ACOXL: variants seen among roughly 807,000 people sequenced by gnomAD.
The protein encoded by ACOXL is acyl-coenzyme A oxidase-like protein.
In ACOXL, 70 loss-of-function variants were observed where a neutral mutation model predicts 71.9. The observed-to-expected ratio is 0.97, with a 90% CI of 0.80 to 1.19. ACOXL has a LOEUF of 1.19. Among genes scored for constraint, ACOXL ranks in the 50% most tolerant of loss-of-function variants. The pLI is 0.00. For missense variants in ACOXL, 703 were observed against 736.3 expected, an observed-to-expected ratio of 0.95 and a Z score of 0.52; for synonymous variants, 253 against 281.6, an observed-to-expected ratio of 0.90 and a Z score of 1.02.
chr2:110,810,421 C>T (rs1687171294), intron 9 of ACOXL, among the ~76,000 whole-genome samples: 1 of 152,062 alleles, frequency 6.6e-6, no homozygotes. Context: ...CTCTTCTAAC[C>T]TTCCTTCCAT....
At chr2:111,007,003 G>A (rs141103546) in intron 14 of ACOXL, among the ~76,000 whole-genome samples, 69 of 152,190 alleles carry the variant, frequency 4.5e-4, no homozygotes, top group African/African-American at 1.4e-3. Context: ...TCCTGTTATG[G>A]AAGAGAATGG....
chr2:110,968,071 G>T, intron 12 of ACOXL: 1 of 1,193,224 alleles, frequency 8.4e-7, no homozygotes, highest in Admixed American at 1.7e-5. Flanking sequence ...CGCAGCATAC[G>T]CACACGAACT....
rs78934152 is a variant in ACOXL, at chr2:110,817,018, G to C, written c.753+11623G>C. On this transcript the variant is annotated intron_variant, in intron 9 of 17. Coordinates refer to ENST00000439055, the MANE Select transcript of ACOXL (RefSeq NM_001142807.4). ...CTTATTCCAGCCCCAGGTGTTAACAGTCTGCCTACTTCTCCCTTAGCTACG... is the reference window on the plus strand; with the variant it reads ...CTTATTCCAGCCCCAGGTGTTAACACTCTGCCTACTTCTCCCTTAGCTACG... Among the ~76,000 whole-genome samples the C allele has an allele frequency of 4.3e-3, 656 of 152,334 alleles. 26 individuals carry two copies. The East Asian group carries it at 0.093, about 22-fold the overall frequency.
intron 14 of ACOXL, among the ~76,000 whole-genome samples, chr2:111,004,101 A>G (rs1385438996): frequency 6.6e-6 from 1 of 152,200 alleles, no homozygotes. Context: ...ACCCAAACAG[A>G]GTCTGGGCAA....
intron 10 of ACOXL, chr2:110,886,971 A>T (rs915107497): frequency 1.7e-6 from 2 of 1,191,014 alleles, no homozygotes; most frequent in Non-Finnish European, 2.3e-6. Flanking sequence ...GCACTATCCC[A>T]AACTTTTTAT....
intron 9 of ACOXL, among the ~76,000 whole-genome samples, chr2:110,832,093 AG>A (rs1352834526): frequency 6.6e-6 from 1 of 152,192 alleles, no homozygotes; most frequent in Admixed American, 6.6e-5. Context: ...GCTACTTGGG[AG>A]GAGTTTGCGG....
At chr2:110,963,109 T>G (rs2061767906) in intron 12 of ACOXL, among the ~76,000 whole-genome samples, 1 of 152,210 alleles carries the variant, frequency 6.6e-6, no homozygotes, top group African/African-American at 2.4e-5. Flanking sequence ...AAAAAAATAC[T>G]GGAGTGAGAA....
intron 10 of ACOXL, among the ~76,000 whole-genome samples, chr2:110,885,949 A>G (rs1304485207): frequency 6.6e-6 from 1 of 152,178 alleles, no homozygotes; most frequent in African/African-American, 2.4e-5. Flanking sequence ...AAAGTGGCCT[A>G]TGAAGTGTTC....
At chr2:110,780,762 C>T (rs199884725) in intron 2 of ACOXL, among the ~76,000 whole-genome samples, 3 of 151,962 alleles carry the variant, frequency 2.0e-5, no homozygotes, top group East Asian at 3.9e-4. Flanking sequence ...TGGGGACGAT[C>T]GTGGCTCATG....
At chr2:110,914,843 T>C (rs1469713385) in intron 11 of ACOXL, among the ~76,000 whole-genome samples, 1 of 152,176 alleles carries the variant, frequency 6.6e-6, no homozygotes, top group Non-Finnish European at 1.5e-5. Context: ...TTAATTTTTG[T>C]GGGTATATAG....
intron 12 of ACOXL, among the ~76,000 whole-genome samples, chr2:110,962,745 A>G (rs917579745): frequency 2.0e-5 from 3 of 152,186 alleles, no homozygotes; most frequent in African/African-American, 7.2e-5. Flanking sequence ...TCAGAGCAAA[A>G]CTTGTCATTC....
chr2:110,763,503 A>C (rs1007235130), intron 1 of ACOXL, among the ~76,000 whole-genome samples: 1 of 152,196 alleles, frequency 6.6e-6, no homozygotes, highest in Admixed American at 6.5e-5. Flanking sequence ...ACCCCCACAT[A>C]AATCTATACA....
At chr2:110,817,723 G>A (rs1389082626) in intron 9 of ACOXL, among the ~76,000 whole-genome samples, 2 of 152,128 alleles carry the variant, frequency 1.3e-5, no homozygotes, top group Non-Finnish European at 2.9e-5. Context: ...GATGAGTTGT[G>A]TTTTTCTAAA....
At chr2:110,861,945 T>C (rs17525147) in intron 10 of ACOXL, among the ~76,000 whole-genome samples, 45,678 of 152,072 alleles carry the variant, frequency 0.3, 7,274 homozygotes, top group Non-Finnish European at 0.35. Context: ...TTGTGAATTT[T>C]GTGATGACAG....
chr2:110,931,391 A>G (rs540887015), intron 11 of ACOXL, among the ~76,000 whole-genome samples: 2 of 152,298 alleles, frequency 1.3e-5, no homozygotes, highest in East Asian at 3.9e-4. Flanking sequence ...TCAATGGGGA[A>G]TCATGTATAC....
intron 9 of ACOXL, among the ~76,000 whole-genome samples, chr2:110,841,053 A>T (rs958803653): frequency 6.6e-6 from 1 of 152,168 alleles, no homozygotes; most frequent in African/African-American, 2.4e-5. Context: ...ACATGCTGCA[A>T]TCCCATCCTT....
intron 14 of ACOXL, 117 bp from the exon 15 acceptor site, chr2:111,031,510 A>G (rs2065263628): frequency 3.5e-6 from 3 of 858,154 alleles, no homozygotes; most frequent in Non-Finnish European, 1.9e-6. Context: ...AAGGTTCTGC[A>G]CTGTGTCCAT....
intron 14 of ACOXL, among the ~76,000 whole-genome samples, chr2:110,997,355 GACTTAT>G (rs752521306): frequency 1.5e-4 from 22 of 147,166 alleles, no homozygotes; most frequent in South Asian, 4.4e-4. Context: ...GGAAAAAAAA[GACTTAT>G]ACTTAGACAT....
chr2:110,878,227 C>T (rs1336839837), intron 10 of ACOXL, among the ~76,000 whole-genome samples: 2 of 151,988 alleles, frequency 1.3e-5, no homozygotes, highest in East Asian at 3.9e-4. Context: ...CAGAAATAAC[C>T]AAGAACATCA....
Sources: allele counts gnomAD v4.1 joint callset (sites outside exome capture counted in the v4.1 genomes callset), GRCh38; gene constraint gnomAD v4.1.1; transcripts MANE v1.5; gene names NCBI Gene and HGNC (gene_info 2026-07-23, HGNC 2026-07-21).